The following SLC30A8 variants were observed in gnomAD, a reference collection of about 807,000 sequenced individuals.
SLC30A8 encodes proton-coupled zinc antiporter SLC30A8.
A neutral mutation model predicts 36.9 loss-of-function variants in SLC30A8; 27 were observed. The observed-to-expected ratio is 0.73, with a 90% confidence interval of 0.54 to 1.01. The LOEUF is 1.01. SLC30A8 is among the 50% of genes least tolerant of loss of function. The pLI is 0.00. For missense variants in SLC30A8, 439 were observed against 452.0 expected (o/e 0.97, Z 0.26); for synonymous variants, 164 against 172.4 (o/e 0.95, Z 0.38).
chr8:117,083,114 C>T (rs1818730215), intron 2 of SLC30A8, among the ~76,000 whole-genome samples: 1 of 152,164 alleles, frequency 6.6e-6, no homozygotes, highest in Admixed American at 6.5e-5. Flanking sequence ...CCCCACACTT[C>T]CCAGGTTCCT....
chr8:117,162,338 T>C (rs900508463), intron 5 of SLC30A8, among the ~76,000 whole-genome samples: 2 of 152,080 alleles, frequency 1.3e-5, no homozygotes, highest in Non-Finnish European at 2.9e-5. Flanking sequence ...CCAGTTGACC[T>C]AGGTTGTGTC....
chr8:116,960,704 T>C (rs1331189828), intron 1 of SLC30A8, among the ~76,000 whole-genome samples: 1 of 152,250 alleles, frequency 6.6e-6, no homozygotes, highest in Non-Finnish European at 1.5e-5. Context: ...TGTGTATGTG[T>C]GTGTTCCTAT....
At chr8:117,073,743 A>G (rs1279644148) in intron 2 of SLC30A8, among the ~76,000 whole-genome samples, 2 of 152,142 alleles carry the variant, frequency 1.3e-5, no homozygotes, top group African/African-American at 4.8e-5. Flanking sequence ...CCAGTTTCTC[A>G]AAAGAGATAT....
At chr8:117,087,418 A>G (rs1818922539) in intron 2 of SLC30A8, among the ~76,000 whole-genome samples, 1 of 152,204 alleles carries the variant, frequency 6.6e-6, no homozygotes, top group Admixed American at 6.5e-5. Flanking sequence ...CTCAGCCTTC[A>G]TCTGAGGTGG....
At chr8:116,970,107 CTTA>C (rs982700414) in intron 1 of SLC30A8, among the ~76,000 whole-genome samples, 3 of 151,956 alleles carry the variant, frequency 2.0e-5, no homozygotes, top group Non-Finnish European at 4.4e-5. Context: ...TCTTTATATT[CTTA>C]TTCTATAATT....
At chr8:117,014,476 T>G (rs146501695) in intron 1 of SLC30A8, among the ~76,000 whole-genome samples, 1 of 152,200 alleles carries the variant, frequency 6.6e-6, no homozygotes, top group African/African-American at 2.4e-5. Flanking sequence ...GAGTTAGCTG[T>G]TTAAACATGA....
chr8:117,025,951 G>T (rs2130731833), intron 1 of SLC30A8, among the ~76,000 whole-genome samples: 1 of 152,262 alleles, frequency 6.6e-6, no homozygotes, highest in Non-Finnish European at 1.5e-5. Flanking sequence ...GCATCCCCTG[G>T]GCATGAGCCA....
At chr8:117,144,623 A>G (rs1217235829) in intron 1 of SLC30A8, among the ~76,000 whole-genome samples, 2 of 152,234 alleles carry the variant, frequency 1.3e-5, no homozygotes, top group Non-Finnish European at 2.9e-5. Flanking sequence ...TTAAATATAT[A>G]CTGCCTTCCA....
At chr8:117,156,920 G>A (rs1822520453) in intron 3 of SLC30A8, among the ~76,000 whole-genome samples, 1 of 152,072 alleles carries the variant, frequency 6.6e-6, no homozygotes, top group South Asian at 2.1e-4. Context: ...ACTAAATGAT[G>A]GATTGTACCT....
intron 1 of SLC30A8, among the ~76,000 whole-genome samples, chr8:116,979,294 C>A (rs952803939): frequency 1.4e-5 from 2 of 145,970 alleles, no homozygotes; most frequent in African/African-American, 5.0e-5. Flanking sequence ...AATTGTGTCT[C>A]TTTTAAGCAC....
chr8:116,997,799 G>T (rs1228271090), intron 1 of SLC30A8, among the ~76,000 whole-genome samples: 1 of 152,172 alleles, frequency 6.6e-6, no homozygotes, highest in Non-Finnish European at 1.5e-5. Context: ...CATTCAATCA[G>T]TGAGCATAGA....
intron 2 of SLC30A8, among the ~76,000 whole-genome samples, chr8:117,059,904 G>A (rs935747049): frequency 6.6e-6 from 1 of 152,128 alleles, no homozygotes; most frequent in Non-Finnish European, 1.5e-5. Context: ...TTCCCAGTAG[G>A]CTAAGGGAAA....
chr8:117,091,036 C>T (rs534299721), intron 2 of SLC30A8, among the ~76,000 whole-genome samples: 1 of 152,088 alleles, frequency 6.6e-6, no homozygotes, highest in South Asian at 2.1e-4. Flanking sequence ...AACACAGAAA[C>T]AGCAAGATTA....
intron 2 of SLC30A8, among the ~76,000 whole-genome samples, chr8:117,093,793 C>T (rs1019429192): frequency 6.6e-6 from 1 of 152,166 alleles, no homozygotes; most frequent in East Asian, 1.9e-4. Flanking sequence ...GCCAACTTGG[C>T]CTGGCAGGCT....
At chr8:117,125,185 A>G (rs773576314) in intron 2 of SLC30A8, among the ~76,000 whole-genome samples, 1 of 151,980 alleles carries the variant, frequency 6.6e-6, no homozygotes, top group Non-Finnish European at 1.5e-5. Flanking sequence ...CAGAATAAGA[A>G]GTTTTGGTGT....
At chr8:117,131,147 C>T (rs973157042), upstream of SLC30A8, among the ~76,000 whole-genome samples, 43 of 151,804 alleles carry the variant, frequency 2.8e-4, no homozygotes, top group African/African-American at 9.7e-4. Flanking sequence ...ATATTGCTTT[C>T]GGTCCATTTT....
intron 2 of SLC30A8, among the ~76,000 whole-genome samples, chr8:117,105,234 C>A (rs1449899017): frequency 1.3e-5 from 2 of 152,108 alleles, no homozygotes; most frequent in Non-Finnish European, 2.9e-5. Flanking sequence ...GGTTCAAACG[C>A]CTCTGACATT....
intron 2 of SLC30A8, among the ~76,000 whole-genome samples, chr8:117,148,209 T>C (rs1032989959): frequency 6.6e-6 from 1 of 152,124 alleles, no homozygotes; most frequent in Non-Finnish European, 1.5e-5. Context: ...ACTGAGAAGA[T>C]AGCTTTTTTG....
chr8:117,117,928 C>T (rs1820517291), intron 2 of SLC30A8, among the ~76,000 whole-genome samples: 1 of 151,860 alleles, frequency 6.6e-6, no homozygotes, highest in Non-Finnish European at 1.5e-5. Context: ...TTTTGATTAC[C>T]TCTATCAGAA....
Sources: gnomAD v4.1 joint callset for allele counts (sites outside exome capture counted in the v4.1 genomes callset) on GRCh38, gnomAD v4.1.1 for gene constraint, MANE v1.5 for transcripts, NCBI Gene and HGNC (gene_info 2026-07-23, HGNC 2026-07-21) for gene names.